COL17A1: variants seen among roughly 807,000 people sequenced by gnomAD.
COL17A1 encodes the protein collagen alpha-1(XVII) chain.
In COL17A1, 181 loss-of-function variants were observed where a neutral mutation model predicts 218.4. The observed-to-expected ratio is 0.83, with a 90% CI of 0.73 to 0.94. The LOEUF is 0.94. Ranked by LOEUF, COL17A1 falls within the 40% of genes least tolerant of loss-of-function variation. The pLI is 0.00. For missense variants in COL17A1, 1,924 were observed against 1,945.9 expected (o/e 0.99, Z 0.21); for synonymous variants, 721 against 731.0 (o/e 0.99, Z 0.22).
Position 104,060,157 on chromosome 10 carries a change from C to T in COL17A1, c.1103G>A (p.Gly368Glu). 1 of 1,614,112 alleles carries T rather than the reference C, an allele frequency of 6.2e-7. No individual in the cohort carries two copies. Among genetic ancestry groups the T allele is most frequent in the Non-Finnish European group, 8.5e-7 (1 of 1,180,036 alleles). ...GGCAGGGGAGGCTGTAAAGACCTTC[C>T]CGCTGTCCTTGGTCATGATGAGCAG... ...MELLIMTKDSGKVFTASPASI... is the reference protein window; with the variant it reads ...MELLIMTKDSEKVFTASPASI... Residue 368 changes from glycine (G) to glutamate (E), a missense_variant, in exon 14 of 56, where the codon GGG (glycine) becomes GAG (glutamate). By Grantham distance (98) the Gly-to-Glu change is moderately conservative (BLOSUM62 -2). Coordinates refer to ENST00000648076, the MANE Select transcript of COL17A1 (RefSeq NM_000494.4).
At chr10:104,038,042 A>G (rs1467730110) in intron 45 of COL17A1, among the ~76,000 whole-genome samples, 1 of 152,214 alleles carries the variant, frequency 6.6e-6, no homozygotes. Context: ...ACAAATGAGC[A>G]CATGCAAGGT....
rs986040337 is a variant in COL17A1 at position 104,037,193 on chromosome 10, C to T, written c.3209-80G>A. 5.3e-6 allele frequency: 7 copies of T among 1,314,648 alleles called. No homozygotes were observed. In the Admixed American group the frequency reaches 5.9e-5, roughly 11 times the overall value. 81.4% of individuals were successfully genotyped at this position (1,314,648 alleles called of 1,614,324 possible). A position where few individuals can be genotyped will look rare whatever the true frequency, so the allele number is the denominator to read the frequency against. On this transcript the variant is annotated intron_variant, in intron 46 of 55. Coordinates refer to ENST00000648076, the MANE Select transcript of COL17A1 (RefSeq NM_000494.4). ...TCACTATTCCAGAATCTGAAAGGCC[C>T]GGTCACCGAGCTGTTTGTCTTTGGG...
intron 29 of COL17A1, chr10:104,048,319 T>A (rs1307988928): frequency 1.4e-6 from 1 of 709,554 alleles, no homozygotes; most frequent in Non-Finnish European, 2.6e-6. Context: ...TTGAGAATTG[T>A]TCAGTGCCTT....
intron 13 of COL17A1, among the ~76,000 whole-genome samples, chr10:104,060,747 T>C (rs805703): frequency 1.3e-5 from 2 of 152,156 alleles, no homozygotes; most frequent in African/African-American, 4.8e-5. Context: ...ACTTATTGCT[T>C]TCCTTATAAT....
At chr10:104,040,070 G>GCCCCTATCCCCTCCTC in intron 40 of COL17A1, 71 bp from the exon 41 acceptor site, 1 of 1,536,256 alleles carries the variant, frequency 6.5e-7, no homozygotes, top group Non-Finnish European at 9.0e-7. Context: ...GGCCCATGGA[G>GCCCCTATCCCCTCCTC]GAGGGGATAG....
intron 11 of COL17A1, chr10:104,063,420 C>T: frequency 1.4e-5 from 5 of 347,370 alleles, no homozygotes; most frequent in South Asian, 5.7e-5. Context: ...AAATAAAATC[C>T]TTCTAAATTA....
intron 1 of COL17A1, among the ~76,000 whole-genome samples, chr10:104,082,033 A>C (rs979421974): frequency 2.6e-5 from 4 of 152,212 alleles, no homozygotes; most frequent in Admixed American, 2.0e-4. Flanking sequence ...ACCAAATGAG[A>C]CCAGCTGATC....
At chr10:104,068,712 A>G (rs1172064687) in intron 9 of COL17A1, among the ~76,000 whole-genome samples, 1 of 152,252 alleles carries the variant, frequency 6.6e-6, no homozygotes, top group Non-Finnish European at 1.5e-5. Flanking sequence ...TCTAGCAGAG[A>G]TAGCCATAGG....
chr10:104,040,314 A>G, intron 40 of COL17A1, 37 bp downstream of exon 40: 2 of 1,446,824 alleles, frequency 1.4e-6, no homozygotes, highest in Non-Finnish European at 9.7e-7. Flanking sequence ...CAGAGGACAC[A>G]TACTGGCTTC....
At chr10:104,078,486 G>T in intron 3 of COL17A1, 56 bp downstream of exon 3, 1 of 1,612,636 alleles carries the variant, frequency 6.2e-7, no homozygotes, top group Non-Finnish European at 8.5e-7. Context: ...GGTTACAGGT[G>T]TGGGGCCCTT....
At chr10:104,042,858 G>C (rs1199959949) in intron 35 of COL17A1, among the ~76,000 whole-genome samples, 7 of 152,198 alleles carry the variant, frequency 4.6e-5, no homozygotes, top group Admixed American at 4.6e-4. Context: ...ACTTTGGAAA[G>C]GTAGGAAACA....
At chr10:104,048,274 C>G (rs933144053) in intron 29 of COL17A1, 170 bp from the exon 30 acceptor site, 2 of 779,138 alleles carry the variant, frequency 2.6e-6, no homozygotes, top group Non-Finnish European at 4.8e-6. Context: ...CTCCCACTGC[C>G]CCTTCTCCTA....
chr10:104,069,893 A>G (rs185873287), intron 9 of COL17A1, among the ~76,000 whole-genome samples: 178 of 152,286 alleles, frequency 1.2e-3, no homozygotes, highest in Non-Finnish European at 2.2e-3. Context: ...TGAACTCATT[A>G]CACTCAAGGG....
At position 104,051,488 on chromosome 10, in the gene COL17A1, G is replaced by C; in HGVS notation, c.2031C>G (p.Gly677=). The C allele has an allele frequency of 6.2e-7, 1 of 1,614,074 alleles. No individual in the cohort carries two copies. Among genetic ancestry groups the C allele is most frequent in the Non-Finnish European group, 8.5e-7 (1 of 1,180,038 alleles). The change falls in exon 25 of 56, where the codon GGC becomes GGG. Residue 677 remains glycine, a synonymous_variant. Coordinates refer to ENST00000648076, the MANE Select transcript of COL17A1 (RefSeq NM_000494.4). ...KGSSGSPGPQ[G]PPGPVGLQGL... The stretch of plus-strand genomic sequence containing the variant: ...AAGAAGCAGCAAACTGACCTGGAGG[G>C]CCCTGTGGGCCAGGAGAGCCGCTGG...
chr10:104,047,831 G>A (rs769777259), intron 30 of COL17A1, 21 bp from the exon 31 acceptor site: 18 of 1,603,366 alleles, frequency 1.1e-5, no homozygotes, highest in South Asian at 6.6e-5. Flanking sequence ...AATGGCCAAC[G>A]TGGAAGTGTT....
chr10:104,032,848 T>C, intron 54 of COL17A1, 58 bp downstream of exon 54: 1 of 1,612,630 alleles, frequency 6.2e-7, no homozygotes, highest in Admixed American at 1.7e-5. Flanking sequence ...GAGCTGCTTT[T>C]CAGTACGAGG....
In COL17A1 at chr10:104,040,353, T is replaced by G; in HGVS notation, c.2759A>C (p.Gln920Pro). 1 of 1,603,764 alleles carries G rather than the reference T, an allele frequency of 6.2e-7. No homozygotes were observed. Among genetic ancestry groups the G allele is most frequent in the Non-Finnish European group, 8.5e-7 (1 of 1,170,508 alleles). ...GTTCCCTGATACACTGTTCTCACCTTGGTCTCCCTTGGGACCTGGGGGGCC... is the reference window on the plus strand; with the variant it reads ...GTTCCCTGATACACTGTTCTCACCTGGGTCTCCCTTGGGACCTGGGGGGCC... ...PPGPPGPKGD[Q>P]GPPGPRGHQG... Residue 920 changes from glutamine (Q) to proline (P), a missense_variant and splice_region_variant, in exon 40 of 56, where the codon CAA becomes CCA. Coordinates refer to ENST00000648076, the MANE Select transcript of COL17A1 (RefSeq NM_000494.4).
intron 9 of COL17A1, among the ~76,000 whole-genome samples, chr10:104,068,253 T>A (rs2086642956): frequency 6.6e-6 from 1 of 150,766 alleles, no homozygotes. Flanking sequence ...CAGCTTCTTA[T>A]GAAAAGGAGA....
intron 32 of COL17A1, among the ~76,000 whole-genome samples, chr10:104,046,090 A>G (rs2086406385): frequency 6.6e-6 from 1 of 152,194 alleles, no homozygotes; most frequent in African/African-American, 2.4e-5. Context: ...CCTGCAGAGC[A>G]GCCTCTGTCT....
Sources: allele counts gnomAD v4.1 joint callset (sites outside exome capture counted in the v4.1 genomes callset), GRCh38; gene constraint gnomAD v4.1.1; transcripts MANE v1.5; gene names NCBI Gene and HGNC (gene_info 2026-07-23, HGNC 2026-07-21).